The following PJVK variants were observed in gnomAD, a reference collection of about 807,000 sequenced individuals.
PJVK encodes the protein pejvakin, also known as autosomal recessive deafness type 59 protein.
PJVK carries 33 observed loss-of-function variants against 37.6 expected under a neutral mutation model. That is an observed-to-expected ratio of 0.88 (90% confidence interval 0.67 to 1.17). The LOEUF (loss-of-function observed/expected upper bound fraction) is 1.17. PJVK is among the 50% of genes most tolerant of loss of function. PJVK has a pLI of 0.00. For synonymous variants in PJVK, 141 were observed against 143.5 expected (o/e 0.98, Z 0.13); for missense variants, 410 against 413.8 (o/e 0.99, Z 0.08).
chr2:178,452,709 T>A, intron 1 of PJVK: 1 of 865,076 alleles, frequency 1.2e-6, no homozygotes, highest in Non-Finnish European at 1.4e-6. Flanking sequence ...AGAGTCTGTG[T>A]GCCCAACTTC....
chr2:178,454,635 T>C lies in PJVK; in HGVS notation c.407+108T>C, dbSNP rs371250247. On this transcript the variant is annotated intron_variant, in intron 3 of 6. Coordinates refer to ENST00000644580, the MANE Select transcript of PJVK (RefSeq NM_001042702.5). ...ACATTGAGGTTGTATTTTACTAGTG[T>C]AATTTGCTAGATATGTTTGAAATAC... 67 of 1,436,600 alleles carry C rather than the reference T, an allele frequency of 4.7e-5. No individual in the cohort carries two copies. The African/African-American group carries it at 7.9e-4, about 17-fold the overall frequency. The allele number at this position is 1,436,600 out of a possible 1,614,324, so 89.0% of individuals were successfully genotyped here.
Position 178,454,418 on chromosome 2 carries a change from G to A in PJVK, c.298G>A (p.Val100Ile), listed in dbSNP as rs200516108. Residue 100 changes from valine to isoleucine, a missense_variant, in exon 3 of 7, where the codon GTT becomes ATT. Physicochemically the swap from Val to Ile is conservative, Grantham distance 29. Transcript: ENST00000644580. ...GCGAGGTAACCATATTGTAAATGAC[G>A]TTGGGATTAACGTTGCTGGATCAGA... The part of the protein sequence containing the change: ...GRRGNHIVND[V>I]GINVAGSDSI... The A allele has an allele frequency of 2.0e-4, 330 of 1,613,838 alleles. No individual in the cohort carries two copies. Among genetic ancestry groups the A allele is most frequent in the Admixed American group, 2.8e-4 (17 of 59,998 alleles).
chr2:178,457,287 A>G (rs1684172790), intron 4 of PJVK, among the ~76,000 whole-genome samples: 1 of 152,224 alleles, frequency 6.6e-6, no homozygotes, highest in Non-Finnish European at 1.5e-5. Flanking sequence ...ATCAATGGCC[A>G]TACATGCTTT....
At chr2:178,452,828 T>C (rs1339523355) in intron 1 of PJVK, 2 of 169,526 alleles carry the variant, frequency 1.2e-5, no homozygotes, top group African/African-American at 4.8e-5. Context: ...GAATTTATAT[T>C]TAATATTAAA....
intron 4 of PJVK, 137 bp downstream of exon 4, chr2:178,456,288 A>C: frequency 3.6e-6 from 4 of 1,105,084 alleles, no homozygotes; most frequent in Non-Finnish European, 5.3e-6. Flanking sequence ...AGGATTTTGC[A>C]CAGCAATGTC....
chr2:178,458,464 T>A (rs1684266364), intron 4 of PJVK, 46 bp from the exon 5 acceptor site: 1 of 1,437,362 alleles, frequency 7.0e-7, no homozygotes, highest in South Asian at 1.2e-5. Context: ...AAAGCTATCC[T>A]TACATGTTAT....
chr2:178,455,815 A>G (rs1228776885), intron 3 of PJVK, among the ~76,000 whole-genome samples, 195 bp from the exon 4 acceptor site: 1 of 152,246 alleles, frequency 6.6e-6, no homozygotes, highest in Admixed American at 6.5e-5. Context: ...AACATTCTGC[A>G]TAAGCATGTT....
chr2:178,453,474 T>C lies in PJVK; in HGVS notation c.65T>C (p.Val22Ala). ...GGAGATGGAGGGAGATTAGTTCCTG[T>C]TCCAAGCCTCAGTGAAGCTGACAAA... is the stretch of plus-strand genomic sequence containing the variant. ...QVGDGGRLVP[V>A]PSLSEADKYQ... The change falls in exon 2 of 7, where the codon GTT (valine) becomes GCT (alanine). Residue 22 changes from valine (V) to alanine (A), a missense_variant. Physicochemically the swap from Val to Ala is moderately conservative, Grantham distance 64 (BLOSUM62 0). Coordinates refer to ENST00000644580, the MANE Select transcript of PJVK (RefSeq NM_001042702.5). 6.2e-7 allele frequency: 1 copy of C among 1,614,192 alleles called. No homozygotes were observed.
intron 3 of PJVK, chr2:178,455,339 A>G: frequency 7.8e-7 from 1 of 1,281,186 alleles, no homozygotes; most frequent in Admixed American, 1.7e-5. Flanking sequence ...GGGGCTGCCA[A>G]CCTCAGACGA....
chr2:178,459,729 A>G (rs555385716), intron 5 of PJVK: 3 of 154,354 alleles, frequency 1.9e-5, no homozygotes, highest in Non-Finnish European at 4.4e-5. Context: ...GTTGGGAGGA[A>G]TGTAAATGGA....
Position 178,461,372 on chromosome 2 carries a change from T to C in PJVK, c.*98T>C. ...TTTGCTTTGATGAATTAAATTAAAA[T>C]GAGAAAAGCAAAAAGAAATTAACCT... On this transcript the variant is annotated 3_prime_UTR_variant, in exon 7 of 7. Coordinates refer to ENST00000644580, the MANE Select transcript of PJVK (RefSeq NM_001042702.5). 2 of 1,430,908 alleles carry C rather than the reference T, an allele frequency of 1.4e-6. No individual in the cohort carries two copies. Among genetic ancestry groups the C allele is most frequent in the Non-Finnish European group, 1.9e-6 (2 of 1,033,884 alleles). 88.6% of individuals were successfully genotyped at this position (1,430,908 alleles called of 1,614,324 possible).
intron 4 of PJVK, among the ~76,000 whole-genome samples, chr2:178,458,302 C>T (rs943437898): frequency 1.3e-5 from 2 of 151,928 alleles, no homozygotes; most frequent in African/African-American, 2.4e-5. Flanking sequence ...GTGAAAAGTG[C>T]AGAGGTATTT....
chr2:178,456,214 A>T, intron 4 of PJVK, 63 bp downstream of exon 4: 1 of 1,572,620 alleles, frequency 6.4e-7, no homozygotes, highest in Non-Finnish European at 8.7e-7. Context: ...TTTTTTAAGT[A>T]TTGAATTTCT....
intron 6 of PJVK, 73 bp from the exon 7 acceptor site, chr2:178,460,909 A>C: frequency 9.1e-7 from 1 of 1,101,798 alleles, no homozygotes. Flanking sequence ...TCACATATTT[A>C]TTAATGCTGT....
In PJVK at chr2:178,451,645, C is replaced by T; in HGVS notation, c.-147C>T. 3 of 267,476 alleles carry T rather than the reference C, an allele frequency of 1.1e-5. No homozygotes were observed. Among genetic ancestry groups the T allele is most frequent in the Non-Finnish European group, 1.7e-5 (3 of 173,686 alleles). 16.6% of individuals were successfully genotyped at this position (267,476 alleles called of 1,614,324 possible). On this transcript the variant is annotated 5_prime_UTR_variant, in exon 1 of 7. Coordinates refer to ENST00000644580, the MANE Select transcript of PJVK (RefSeq NM_001042702.5). ...CGGATATATACGCTCCAGGGGGCTG[C>T]GGTGCGCTCTTCGGGTCCCCGAGCC...
rs1322135674 is a variant in PJVK at position 178,458,621 on chromosome 2, G to A, written c.661G>A (p.Ala221Thr). The change falls in exon 5 of 7, where the codon GCC (alanine) becomes ACC (threonine). Residue 221 changes from alanine to threonine, a missense_variant. By Grantham distance (58) the Ala-to-Thr change is moderately conservative (BLOSUM62 0). Transcript: ENST00000644580. ...TGAACTCTTCATATACCTGGATGGT[G>A]CCTTTGGTGAGTTAAGGGTCTGCAT... ...VFELFIYLDG[A>T]FDLCVTSVSK... is the part of the protein sequence containing the mutation. 5 of 1,611,272 alleles carry A rather than the reference G, an allele frequency of 3.1e-6. No homozygotes were observed. Among genetic ancestry groups the A allele is most frequent in the Non-Finnish European group, 4.2e-6 (5 of 1,177,464 alleles).
chr2:178,457,416 G>A (rs1163894045), intron 4 of PJVK, among the ~76,000 whole-genome samples: 1 of 152,136 alleles, frequency 6.6e-6, no homozygotes, highest in Non-Finnish European at 1.5e-5. Context: ...AGGAGTTCAA[G>A]ACCAACTTGA....
chr2:178,457,718 C>A (rs1021021853), intron 4 of PJVK, among the ~76,000 whole-genome samples: 7 of 152,188 alleles, frequency 4.6e-5, no homozygotes, highest in Non-Finnish European at 8.8e-5. Flanking sequence ...GGCTTCGCGT[C>A]CAACCAGCAG....
In PJVK at chr2:178,451,400, C is replaced by G. The variant is rs986658554; in HGVS notation, c.-392C>G. ...CCTGACCAGCCTGTAGTAACTGGCC[C>G]CTAGGCCGCAGTTCTTTGTCCTTAG... On this transcript the variant is annotated 5_prime_UTR_variant, in exon 1 of 7. Transcript: ENST00000644580. 10 of 293,706 alleles carry G rather than the reference C, an allele frequency of 3.4e-5. No individual in the cohort carries two copies. The highest frequency in any genetic ancestry group is 1.8e-4 in the African/African-American group (8 of 44,506). The allele number at this position is 293,706 out of a possible 1,614,324, so 18.2% of individuals were successfully genotyped here.
Sources: allele counts gnomAD v4.1 joint callset (sites outside exome capture counted in the v4.1 genomes callset), GRCh38; gene constraint gnomAD v4.1.1; transcripts MANE v1.5; gene names NCBI Gene and HGNC (gene_info 2026-07-23, HGNC 2026-07-21).